FBRSL1: variants seen among roughly 807,000 people sequenced by gnomAD.
The protein encoded by FBRSL1 is fibrosin like 1, also known as fibrosin-1-like protein.
FBRSL1 carries 51 observed loss-of-function variants against 89.6 expected under a neutral mutation model. The ratio of observed to expected loss-of-function variants is 0.57; its 90% CI spans 0.45 to 0.72. FBRSL1 has a LOEUF of 0.72. Among genes scored for constraint, FBRSL1 ranks in the 30% least tolerant of loss-of-function variants. The probability of loss-of-function intolerance (pLI) is 0.00; values close to 1 mark genes in which losing one functional copy is unlikely to be tolerated. For synonymous variants in FBRSL1, 779 were observed against 681.1 expected (o/e 1.14, Z -2.24); for missense variants, 1,618 against 1,451.8 (o/e 1.11, Z -1.86).
At chr12:132,503,215 A>G (rs1352090974) in intron 1 of FBRSL1, among the ~76,000 whole-genome samples, 1 of 150,742 alleles carries the variant, frequency 6.6e-6, no homozygotes, top group Non-Finnish European at 1.5e-5. Context: ...GAGAGGCAGC[A>G]GCCACCATGC....
chr12:132,555,733 G>A (rs186618633), intron 5 of FBRSL1, among the ~76,000 whole-genome samples: 2 of 152,288 alleles, frequency 1.3e-5, no homozygotes, highest in Admixed American at 1.3e-4. Context: ...GTCCTCACAT[G>A]GCCCCTCCTG....
intron 2 of FBRSL1, among the ~76,000 whole-genome samples, chr12:132,513,789 C>A (rs959906777): frequency 6.6e-6 from 1 of 152,278 alleles, no homozygotes; most frequent in African/African-American, 2.4e-5. Flanking sequence ...GTGGGGCCAA[C>A]CCCACGAGGG....
chr12:132,532,719 G>T, intron 4 of FBRSL1, among the ~76,000 whole-genome samples: 1 of 152,074 alleles, frequency 6.6e-6, no homozygotes, highest in East Asian at 1.9e-4. Context: ...CGCAGTGCAG[G>T]AGGGTGGGAG....
intron 2 of FBRSL1, chr12:132,511,262 G>A: frequency 1.0e-5 from 10 of 985,524 alleles, no homozygotes; most frequent in Non-Finnish European, 1.2e-5. Context: ...GGGTCTCCAG[G>A]CGAGGGGGAC....
intron 4 of FBRSL1, among the ~76,000 whole-genome samples, chr12:132,545,933 C>T (rs1311779045): frequency 6.6e-6 from 1 of 152,218 alleles, no homozygotes; most frequent in African/African-American, 2.4e-5. Context: ...GACTCCCCTG[C>T]AGGCCTCTGG....
At position 132,499,541 on chromosome 12, in the gene FBRSL1, T is replaced by A. The variant is rs2136406125; in HGVS notation, c.292-8612T>A. On this transcript the variant is annotated intron_variant, in intron 1 of 18. Coordinates refer to ENST00000680143, the MANE Select transcript of FBRSL1 (RefSeq NM_001367871.1). The surrounding 1 kb of genome is among the most constrained non-coding windows in gnomAD (Gnocchi z 4.3). ...AGAGTCTGTCGTCGAAGGCTAGGAG[T>A]CACAGAGGAGGCCACGAGGGCTTCT... 6.6e-6 allele frequency among the ~76,000 whole-genome samples: 1 copy of A among 151,068 alleles called. No homozygotes were observed. The highest frequency in any genetic ancestry group is 2.4e-5 in the African/African-American group (1 of 41,020).
chr12:132,532,096 C>A lies in FBRSL1; in HGVS notation c.615+4108C>A, dbSNP rs190636374. Among the ~76,000 whole-genome samples, 99 of 152,328 alleles carry A rather than the reference C, an allele frequency of 6.5e-4. 1 individual carries two copies. The South Asian group carries it at 7.2e-3, about 11-fold the overall frequency. ...TGGAGCCATTCCTGCCGGCACAGGA[C>A]CCTGGCTTGCCCTCCCACACCCATG... On this transcript the variant is annotated intron_variant, in intron 4 of 18. Coordinates refer to ENST00000680143, the MANE Select transcript of FBRSL1 (RefSeq NM_001367871.1).
intron 4 of FBRSL1, among the ~76,000 whole-genome samples, chr12:132,535,989 A>G (rs551624010): frequency 1.8e-4 from 28 of 151,616 alleles, no homozygotes; most frequent in Non-Finnish European, 3.1e-4. Context: ...GTGTGAGTGC[A>G]CGTGTACATG....
At chr12:132,548,146 T>TC in intron 5 of FBRSL1, 114 bp downstream of exon 5, 1 of 1,313,512 alleles carries the variant, frequency 7.6e-7, no homozygotes. Flanking sequence ...CTTGGGGGGA[T>TC]CCCCCCGCCC....
At chr12:132,509,403 C>T (rs976181927) in intron 2 of FBRSL1, 11 of 1,242,386 alleles carry the variant, frequency 8.9e-6, no homozygotes, top group African/African-American at 3.1e-5. Flanking sequence ...CCAGCCCCGG[C>T]GGTCACTTCT....
At chr12:132,563,799 C>T (rs143848924) in intron 5 of FBRSL1, among the ~76,000 whole-genome samples, 2,147 of 58,328 alleles carry the variant, frequency 0.037, 19 homozygotes, top group Non-Finnish European at 0.048. Context: ...ACACTCACCC[C>T]CGTCGCCCCT....
intron 5 of FBRSL1, among the ~76,000 whole-genome samples, chr12:132,550,404 G>T (rs1047064658): frequency 6.6e-6 from 1 of 152,192 alleles, no homozygotes; most frequent in African/African-American, 2.4e-5. Context: ...GAGCGCCGGC[G>T]CACAAAGCGG....
chr12:132,570,945 C>T (rs1344231221), intron 8 of FBRSL1, 123 bp from the exon 9 acceptor site: 9 of 644,164 alleles, frequency 1.4e-5, no homozygotes, highest in Non-Finnish European at 1.3e-5. Flanking sequence ...CCTGAGGCTC[C>T]GAGTCAGCCC....
intron 1 of FBRSL1, among the ~76,000 whole-genome samples, chr12:132,505,782 C>G (rs1443553231): frequency 6.6e-6 from 1 of 152,234 alleles, no homozygotes; most frequent in East Asian, 1.9e-4. Flanking sequence ...GCCAGCCTTA[C>G]CCTGGAAAGC....
intron 15 of FBRSL1, among the ~76,000 whole-genome samples, chr12:132,578,189 G>A (rs1348912009): frequency 1.3e-5 from 2 of 152,146 alleles, no homozygotes; most frequent in African/African-American, 4.8e-5. Flanking sequence ...ACCTTATGAG[G>A]CAGACCATGA....
intron 4 of FBRSL1, among the ~76,000 whole-genome samples, chr12:132,537,808 T>A (rs1318890947): frequency 6.6e-6 from 1 of 152,204 alleles, no homozygotes; most frequent in African/African-American, 2.4e-5. Context: ...TCCAGCTAAG[T>A]GGACCCCATG....
intron 5 of FBRSL1, 44 bp downstream of exon 5, chr12:132,548,076 C>G (rs964785904): frequency 1.5e-5 from 23 of 1,548,228 alleles, no homozygotes; most frequent in Admixed American, 3.9e-5. Context: ...ACAGCCCTGC[C>G]CTTCCCTGCT....
chr12:132,526,264 C>T (rs2136936453), intron 3 of FBRSL1, among the ~76,000 whole-genome samples: 1 of 152,348 alleles, frequency 6.6e-6, no homozygotes, highest in South Asian at 2.1e-4. Flanking sequence ...GGGGAGGTTT[C>T]TGCTGACTGG....
intron 5 of FBRSL1, chr12:132,552,752 G>T (rs1470029105): frequency 1.3e-5 from 2 of 157,504 alleles, no homozygotes; most frequent in Non-Finnish European, 2.8e-5. Flanking sequence ...CACTCACCCC[G>T]CAGGACAGAC....
Sources: gnomAD v4.1 joint callset for allele counts (sites outside exome capture counted in the v4.1 genomes callset) on GRCh38, gnomAD v4.1.1 for gene constraint, Gnocchi (gnomAD v3.1) non-coding constraint, MANE v1.5 for transcripts, NCBI Gene and HGNC (gene_info 2026-07-23, HGNC 2026-07-21) for gene names.